Variants in P4HA3 observed in about 807,000 individuals in gnomAD.
P4HA3 encodes the protein prolyl 4-hydroxylase subunit alpha-3.
In P4HA3, 60 loss-of-function variants were observed where a neutral mutation model predicts 66.7. The ratio of observed to expected loss-of-function variants is 0.90; its 90% CI spans 0.73 to 1.12. The LOEUF is 1.12. Among genes scored for constraint, P4HA3 ranks in the 50% most tolerant of loss-of-function variants. P4HA3 has a pLI of 0.00. For synonymous variants in P4HA3, 263 were observed against 274.6 expected (o/e 0.96, Z 0.42); for missense variants, 683 against 685.8 (o/e 1.00, Z 0.05).
At chr11:74,285,703 G>T in intron 7 of P4HA3, 106 bp downstream of exon 7, 1 of 1,221,606 alleles carries the variant, frequency 8.2e-7, no homozygotes, top group Non-Finnish European at 1.1e-6. Context: ...TGAACTCCTT[G>T]GCTCTTTGAG....
intron 5 of P4HA3, chr11:74,287,417 A>G: frequency 1.0e-6 from 1 of 1,001,768 alleles, no homozygotes; most frequent in East Asian, 6.1e-5. Flanking sequence ...CCGGAAATAA[A>G]ACTGGGAATC....
At chr11:74,277,743 CTT>C (rs1860450762) in intron 8 of P4HA3, among the ~76,000 whole-genome samples, 1 of 152,228 alleles carries the variant, frequency 6.6e-6, no homozygotes, top group South Asian at 2.1e-4. Context: ...AGTTCAGTCT[CTT>C]TTCCTGAATG....
At position 74,288,948 on chromosome 11, in the gene P4HA3, C is replaced by CAAA. The variant is rs36086552; in HGVS notation, c.769+128_769+130dup. On this transcript the variant is annotated intron_variant, in intron 5 of 12. Transcript: ENST00000331597. Reference sequence around the variant, plus strand: ...TGGGTGACAGAGGGAGATGCCATCTCAAAAAAAAAAAAAAAAAAGATAATA... The same window carrying CAAA: ...TGGGTGACAGAGGGAGATGCCATCTCAAAAAAAAAAAAAAAAAAAAAGATAATA... The CAAA allele has an allele frequency of 3.3e-3, 1,206 of 361,164 alleles. 1 individual carries two copies. Among genetic ancestry groups the CAAA allele is most frequent in the East Asian group, 5.0e-3 (100 of 20,154 alleles). 22.4% of individuals were successfully genotyped at this position (361,164 alleles called of 1,614,324 possible).
chr11:74,272,616 T>C (rs1259560163), intron 10 of P4HA3, among the ~76,000 whole-genome samples: 2 of 152,192 alleles, frequency 1.3e-5, no homozygotes, highest in Non-Finnish European at 2.9e-5. Context: ...CATTAAAGAC[T>C]ACACAGAATG....
intron 15 of P4HA3, among the ~76,000 whole-genome samples, chr11:74,256,394 T>TC (rs1859831582): frequency 6.6e-6 from 1 of 152,204 alleles, no homozygotes; most frequent in African/African-American, 2.4e-5. Context: ...CCTTGTGAAG[T>TC]ACAGGCACTA....
At chr11:74,294,037 A>T (rs1861129038) in intron 4 of P4HA3, among the ~76,000 whole-genome samples, 1 of 152,176 alleles carries the variant, frequency 6.6e-6, no homozygotes, top group African/African-American at 2.4e-5. Context: ...TATCCTGCAG[A>T]GTGTTTTCCA....
In P4HA3 at chr11:74,298,272, C is replaced by T. The variant is rs1202588684; in HGVS notation, c.657G>A (p.Lys219=). The change falls in exon 4 of 13, where the codon AAG becomes AAA. Residue 219 remains lysine, a synonymous_variant. Transcript: ENST00000331597. The part of the protein sequence containing the change: ...SLFRGSYGEW[K]TEDEASLEDA... ...CTTCTAGACTTGCCTCATCCTCTGT[C>T]TTCCACTCTCCGTAAGATCCTCGGA... 1 of 1,614,038 alleles carries T rather than the reference C, an allele frequency of 6.2e-7. No homozygotes were observed. The highest frequency in any genetic ancestry group is 8.5e-7 in the Non-Finnish European group (1 of 1,180,012).
downstream of P4HA3, among the ~76,000 whole-genome samples, chr11:74,263,886 G>T (rs973563738): frequency 6.6e-6 from 1 of 152,118 alleles, no homozygotes; most frequent in Admixed American, 6.5e-5. Flanking sequence ...CACTTTGGAG[G>T]CTGAGGCGGG....
chr11:74,258,715 A>C (rs1248062319), intron 15 of P4HA3, among the ~76,000 whole-genome samples: 1 of 152,162 alleles, frequency 6.6e-6, no homozygotes, highest in Non-Finnish European at 1.5e-5. Context: ...AATGAGAGGA[A>C]TGCTCCAAGC....
At chr11:74,272,320 G>T (rs1565405725) in intron 10 of P4HA3, among the ~76,000 whole-genome samples, 2 of 152,066 alleles carry the variant, frequency 1.3e-5, no homozygotes, top group African/African-American at 2.4e-5. Context: ...TGTAACCAGG[G>T]AACCAGCCAT....
At position 74,283,283 on chromosome 11, in the gene P4HA3, T is replaced by G. The variant is rs193300919; in HGVS notation, c.1110+2526A>C. ...GGGTGGGTCACTTCTCCCGTTACCATGGCAACAGGGCTGTTATAAGGAAAA... is the reference window on the plus strand; with the variant it reads ...GGGTGGGTCACTTCTCCCGTTACCAGGGCAACAGGGCTGTTATAAGGAAAA... On this transcript the variant is annotated intron_variant, in intron 7 of 12. Coordinates refer to ENST00000331597, the MANE Select transcript of P4HA3 (RefSeq NM_182904.5). Among the ~76,000 whole-genome samples the G allele has an allele frequency of 3.1e-3, 478 of 152,294 alleles. 3 individuals carry two copies. In the Middle Eastern group the frequency reaches 0.034, roughly 11 times the overall value.
rs996988652 is a variant in P4HA3, at chr11:74,311,510, C to A, written c.102G>T (p.Leu34=). The A allele has an allele frequency of 3.4e-5, 53 of 1,539,422 alleles. No individual in the cohort carries two copies. The highest frequency in any genetic ancestry group is 4.6e-5 in the Non-Finnish European group (53 of 1,151,182). ...AAARGDTFSA[L]TSVARALAPE... is the part of the protein sequence containing the mutation. ...GCGCCAGGGCGCGCGCCACGCTGGT[C>A]AGCGCCGAGAACGTGTCGCCCCGAG... The change falls in exon 1 of 13, where the codon CTG becomes CTT. Residue 34 remains leucine (L), a synonymous_variant. Coordinates refer to ENST00000331597, the MANE Select transcript of P4HA3 (RefSeq NM_182904.5).
chr11:74,280,216 C>T lies in P4HA3; in HGVS notation c.1111-764G>A, dbSNP rs1038378177. ...TTGCCCAGGCTGGAGTGCACTAGTA[C>T]GATCATAGCTCACTACAGCCTCCAA... On this transcript the variant is annotated intron_variant, in intron 7 of 12. Coordinates refer to ENST00000331597, the MANE Select transcript of P4HA3 (RefSeq NM_182904.5). 7.9e-5 allele frequency among the ~76,000 whole-genome samples: 12 copies of T among 152,000 alleles called. No individual in the cohort carries two copies. In the South Asian group the frequency reaches 1.0e-3, roughly 13 times the overall value.
At chr11:74,289,633 C>T (rs1860937653) in intron 4 of P4HA3, among the ~76,000 whole-genome samples, 1 of 133,142 alleles carries the variant, frequency 7.5e-6, no homozygotes, top group African/African-American at 2.9e-5. Flanking sequence ...GTGTGATGTT[C>T]CCCTTCCTGT....
intron 1 of P4HA3, among the ~76,000 whole-genome samples, chr11:74,305,392 C>T (rs1429973181): frequency 2.6e-5 from 4 of 152,056 alleles, no homozygotes; most frequent in Non-Finnish European, 4.4e-5. Flanking sequence ...ACCTTCCAAC[C>T]GACCCTTAGT....
intron 5 of P4HA3, among the ~76,000 whole-genome samples, chr11:74,287,479 A>G (rs890322094): frequency 2.6e-5 from 4 of 152,222 alleles, no homozygotes; most frequent in African/African-American, 9.6e-5. Flanking sequence ...ATTTGAGTGG[A>G]TAGCAAAGAT....
At chr11:74,263,194 G>T (rs1486563776), downstream of P4HA3, among the ~76,000 whole-genome samples, 1 of 152,266 alleles carries the variant, frequency 6.6e-6, no homozygotes, top group Non-Finnish European at 1.5e-5. Context: ...CAGTGAGCAG[G>T]TCGTCTTCTT....
intron 4 of P4HA3, among the ~76,000 whole-genome samples, chr11:74,297,791 T>A (rs776573904): frequency 3.3e-5 from 5 of 152,190 alleles, no homozygotes; most frequent in Non-Finnish European, 5.9e-5. Context: ...TCTTTGTCCA[T>A]GGCAATATTA....
rs1860016245 is a variant in P4HA3 at position 74,267,180 on chromosome 11, C to T, written c.*68G>A. 6.2e-7 allele frequency: 1 copy of T among 1,609,052 alleles called. No individual in the cohort carries two copies. Among genetic ancestry groups the T allele is most frequent in the Non-Finnish European group, 8.5e-7 (1 of 1,178,404 alleles). ...GGCTGCTCTGCTTTCTCCTCTCCTA[C>T]CCCAGCTTTTGGCTCCTGGCTTCTC... On this transcript the variant is annotated 3_prime_UTR_variant, in exon 13 of 13. Coordinates refer to ENST00000331597, the MANE Select transcript of P4HA3 (RefSeq NM_182904.5).
Sources: allele counts gnomAD v4.1 joint callset (sites outside exome capture counted in the v4.1 genomes callset), GRCh38; gene constraint gnomAD v4.1.1; transcripts MANE v1.5; gene names NCBI Gene and HGNC (gene_info 2026-07-23, HGNC 2026-07-21).